KCNIP4: variants seen among roughly 807,000 people sequenced by gnomAD.
KCNIP4 encodes the protein Kv channel-interacting protein 4.
KCNIP4 carries 12 observed loss-of-function variants against 34.0 expected under a neutral mutation model. That is an observed-to-expected ratio of 0.35 (90% confidence interval 0.23 to 0.57). The LOEUF is 0.57. KCNIP4 is among the 20% of genes least tolerant of loss of function. The pLI, the probability that KCNIP4 is intolerant of heterozygous loss-of-function variation, is 0.83. For synonymous variants in KCNIP4, 124 were observed against 102.2 expected (o/e 1.21, Z -1.29); for missense variants, 238 against 311.7 (o/e 0.76, Z 1.78).
chr4:20,941,061 A>G (rs1020772646), intron 1 of KCNIP4, among the ~76,000 whole-genome samples: 3 of 152,194 alleles, frequency 2.0e-5, no homozygotes, highest in Non-Finnish European at 4.4e-5. Context: ...AATGCTTTTA[A>G]AATACCTGGC....
At chr4:21,431,523 T>G (rs1277876135) in intron 1 of KCNIP4, among the ~76,000 whole-genome samples, 1 of 152,112 alleles carries the variant, frequency 6.6e-6, no homozygotes, top group Non-Finnish European at 1.5e-5. Context: ...TAGTCAATGA[T>G]GTTCAGACAT....
At chr4:21,222,945 A>C (rs991359036) in intron 1 of KCNIP4, among the ~76,000 whole-genome samples, 8 of 152,222 alleles carry the variant, frequency 5.3e-5, no homozygotes, top group African/African-American at 1.9e-4. Context: ...TTAAAGCAGC[A>C]GGCTCTGCAG....
At chr4:21,697,040 A>G (rs1433682540) in intron 1 of KCNIP4, among the ~76,000 whole-genome samples, 2 of 151,570 alleles carry the variant, frequency 1.3e-5, no homozygotes, top group Non-Finnish European at 2.9e-5. Flanking sequence ...GAAGAGAAAA[A>G]CCCCTTGCAC....
intron 3 of KCNIP4, among the ~76,000 whole-genome samples, chr4:20,822,356 A>G (rs542382922): frequency 1.3e-4 from 20 of 152,362 alleles, no homozygotes; most frequent in African/African-American, 4.8e-4. Context: ...AATGCAGACT[A>G]AAACCACAAT....
chr4:21,152,770 T>C (rs1453296489), intron 1 of KCNIP4, among the ~76,000 whole-genome samples: 2 of 152,152 alleles, frequency 1.3e-5, no homozygotes, highest in Admixed American at 1.3e-4. Context: ...CCGCCTCTTG[T>C]CAGATGAGCC....
chr4:20,886,452 G>A (rs1374914430), intron 1 of KCNIP4, among the ~76,000 whole-genome samples: 2 of 152,192 alleles, frequency 1.3e-5, no homozygotes, highest in Admixed American at 1.3e-4. Context: ...TGGTGGGTGG[G>A]AAATTTGTGT....
intron 1 of KCNIP4, among the ~76,000 whole-genome samples, chr4:21,032,531 A>G (rs1354464249): frequency 1.3e-5 from 2 of 152,050 alleles, no homozygotes; most frequent in Admixed American, 6.6e-5. Context: ...CAAGGAATAT[A>G]TTTCTTTGTA....
intron 1 of KCNIP4, among the ~76,000 whole-genome samples, chr4:21,535,641 A>C (rs1232651012): frequency 5.9e-5 from 9 of 152,206 alleles, no homozygotes; most frequent in Non-Finnish European, 1.2e-4. Context: ...ATTTCAATAG[A>C]GACAAGAAGC....
At chr4:21,229,331 T>G (rs930870171) in intron 1 of KCNIP4, among the ~76,000 whole-genome samples, 3 of 152,180 alleles carry the variant, frequency 2.0e-5, no homozygotes, top group Non-Finnish European at 4.4e-5. Flanking sequence ...TCATTTTGCT[T>G]GTTTTCTGGC....
intron 1 of KCNIP4, among the ~76,000 whole-genome samples, chr4:21,140,758 C>G (rs549944384): frequency 9.8e-4 from 149 of 152,230 alleles, no homozygotes; most frequent in African/African-American, 3.4e-3. Context: ...GTCCCTGCCC[C>G]CTCCTTTCTT....
intron 3 of KCNIP4, among the ~76,000 whole-genome samples, chr4:20,821,121 G>T (rs574927974): frequency 6.6e-6 from 1 of 152,292 alleles, no homozygotes; most frequent in South Asian, 2.1e-4. Context: ...TGTGAGGGCT[G>T]TGCCCAACTA....
chr4:21,754,524 A>T (rs568790010), intron 1 of KCNIP4, among the ~76,000 whole-genome samples: 10 of 152,322 alleles, frequency 6.6e-5, no homozygotes, highest in African/African-American at 2.4e-4. Flanking sequence ...CAAATGGGAA[A>T]TTCACACTTA....
At chr4:20,783,933 T>A (rs1346435237) in intron 3 of KCNIP4, among the ~76,000 whole-genome samples, 1 of 152,170 alleles carries the variant, frequency 6.6e-6, no homozygotes, top group Non-Finnish European at 1.5e-5. Context: ...CTTACATATA[T>A]CTGGCACTGG....
At chr4:20,816,001 C>T (rs77599699) in intron 3 of KCNIP4, among the ~76,000 whole-genome samples, 10,209 of 152,100 alleles carry the variant, frequency 0.067, 597 homozygotes, top group African/African-American at 0.16. Context: ...GTAATCCCAG[C>T]ACTTTTGGAG....
At chr4:20,816,520 C>A (rs546325347) in intron 3 of KCNIP4, among the ~76,000 whole-genome samples, 16 of 152,286 alleles carry the variant, frequency 1.1e-4, no homozygotes, top group African/African-American at 2.9e-4. Flanking sequence ...TTATCCCCAG[C>A]AGGTATCTGG....
At chr4:21,617,413 A>G (rs1744681922) in intron 1 of KCNIP4, among the ~76,000 whole-genome samples, 1 of 152,178 alleles carries the variant, frequency 6.6e-6, no homozygotes, top group Admixed American at 6.6e-5. Flanking sequence ...TGTGTTTTTA[A>G]TATGTCAATC....
intron 1 of KCNIP4, among the ~76,000 whole-genome samples, chr4:21,249,602 C>T (rs961469802): frequency 6.6e-6 from 1 of 151,996 alleles, no homozygotes; most frequent in South Asian, 2.1e-4. Context: ...AGTAGGTACC[C>T]ATAATAATCA....
chr4:20,850,869 A>G, intron 2 of KCNIP4: 1 of 464,094 alleles, frequency 2.2e-6, no homozygotes, highest in Non-Finnish European at 3.7e-6. Context: ...ATTTTTTTGC[A>G]TATTCTTGTC....
chr4:21,171,330 A>G (rs1280811466), intron 1 of KCNIP4, among the ~76,000 whole-genome samples: 1 of 152,150 alleles, frequency 6.6e-6, no homozygotes, highest in Admixed American at 6.5e-5. Flanking sequence ...GAGTTCAATA[A>G]AAGTAGATCC....
Sources: allele counts gnomAD v4.1 joint callset (sites outside exome capture counted in the v4.1 genomes callset), GRCh38; gene constraint gnomAD v4.1.1; transcripts MANE v1.5; gene names NCBI Gene and HGNC (gene_info 2026-07-23, HGNC 2026-07-21).